The following DFFB variants were observed in gnomAD, a reference collection of about 807,000 sequenced individuals.
DFFB encodes DNA fragmentation factor 40 kDa subunit.
A neutral mutation model predicts 32.7 loss-of-function variants in DFFB; 29 were observed. The observed-to-expected ratio is 0.89, with a 90% CI of 0.66 to 1.21. DFFB has a LOEUF of 1.21. Among genes scored for constraint, DFFB ranks in the 50% most tolerant of loss-of-function variants. The pLI is 0.00. For missense variants in DFFB, 398 were observed against 440.6 expected (o/e 0.90, Z 0.87); for synonymous variants, 170 against 177.1 (o/e 0.96, Z 0.32).
At chr1:3,866,562 G>C (rs1644984553) in intron 3 of DFFB, among the ~76,000 whole-genome samples, 1 of 152,132 alleles carries the variant, frequency 6.6e-6, no homozygotes, top group Admixed American at 6.6e-5. Context: ...TAAAAATTGT[G>C]CTAAAGTACA....
At chr1:3,875,970 G>C (rs1645214275) in intron 6 of DFFB, among the ~76,000 whole-genome samples, 2 of 152,000 alleles carry the variant, frequency 1.3e-5, no homozygotes, top group Non-Finnish European at 2.9e-5. Context: ...GTAGAGATGG[G>C]GTTTTGCCAT....
rs373993995 is a variant in DFFB at position 3,869,599 on chromosome 1, C to T, written c.511-6C>T. 4.9e-5 allele frequency: 78 copies of T among 1,603,294 alleles called. No individual in the cohort carries two copies. Among genetic ancestry groups the T allele is most frequent in the Non-Finnish European group, 3.9e-5 (46 of 1,174,674 alleles). On this transcript the variant is annotated splice_region_variant and splice_polypyrimidine_tract_variant and intron_variant, in intron 4 of 6. Coordinates refer to ENST00000378209, the MANE Select transcript of DFFB (RefSeq NM_004402.4). ...CAGGCTCACCGACGTTCCTTGGTTC[C>T]TCCAGGTGAGCTCCTACCCCTCCAC...
At chr1:3,860,300 C>T in intron 2 of DFFB, 1 of 221,346 alleles carries the variant, frequency 4.5e-6, no homozygotes, top group Non-Finnish European at 1.0e-5. Context: ...AAACCTTGCT[C>T]ACTGTAGCCT....
Position 3,872,453 on chromosome 1 carries a change from A to G in DFFB, c.682-19A>G. ...GAGACTCACTTTCTGGCCTTCCCTC[A>G]TTGTCTTTTGGCCCCCAGGGTCCCT... On this transcript the variant is annotated intron_variant, in intron 5 of 6. Coordinates refer to ENST00000378209, the MANE Select transcript of DFFB (RefSeq NM_004402.4). The G allele has an allele frequency of 1.3e-6, 2 of 1,594,818 alleles. No homozygotes were observed. The highest frequency in any genetic ancestry group is 1.7e-4 in the Middle Eastern group (1 of 6,008).
intron 6 of DFFB, among the ~76,000 whole-genome samples, chr1:3,875,324 A>G (rs1645201393): frequency 6.6e-6 from 1 of 152,200 alleles, no homozygotes; most frequent in Admixed American, 6.5e-5. Context: ...CTCAGGCCCC[A>G]TCCAGACATA....
chr1:3,874,107 T>C (rs1478045908), intron 6 of DFFB, among the ~76,000 whole-genome samples: 3 of 151,562 alleles, frequency 2.0e-5, no homozygotes, highest in Non-Finnish European at 4.4e-5. Context: ...TGGCCCACGC[T>C]GTCATCTGCA....
intron 6 of DFFB, among the ~76,000 whole-genome samples, chr1:3,873,620 C>T (rs994795953): frequency 1.3e-5 from 2 of 152,066 alleles, no homozygotes; most frequent in South Asian, 2.1e-4. Context: ...GCTGGGATTA[C>T]AGGCACGTGG....
intron 6 of DFFB, among the ~76,000 whole-genome samples, chr1:3,881,347 G>A (rs746736259): frequency 2.0e-5 from 3 of 152,230 alleles, no homozygotes; most frequent in Non-Finnish European, 4.4e-5. Flanking sequence ...GGCTCAGTGG[G>A]TTTCCCTTCC....
At chr1:3,868,608 T>TACCATACCACACCAC (rs1557715984) in intron 4 of DFFB, among the ~76,000 whole-genome samples, 1 of 3,154 alleles carries the variant, frequency 3.2e-4, no homozygotes, top group African/African-American at 6.8e-4. Flanking sequence ...TACCACACCA[T>TACCATACCACACCAC]ACCAGACCAC....
At chr1:3,872,420 A>AT in intron 5 of DFFB, 52 bp from the exon 6 acceptor site, 1 of 1,442,920 alleles carries the variant, frequency 6.9e-7, no homozygotes, top group Non-Finnish European at 9.6e-7. Flanking sequence ...TCAAGAAAAA[A>AT]AAAAAAAGAG....
chr1:3,868,674 ACCAC>A (rs1557716260), intron 4 of DFFB, among the ~76,000 whole-genome samples: 15 of 7,510 alleles, frequency 2.0e-3, no homozygotes, highest in East Asian at 6.4e-3. Context: ...ACCACACCAC[ACCAC>A]GCCACACCAC....
chr1:3,866,073 A>G, intron 3 of DFFB, 73 bp downstream of exon 3: 1 of 1,316,684 alleles, frequency 7.6e-7, no homozygotes, highest in African/African-American at 1.5e-5. Flanking sequence ...TTGGATTCCA[A>G]AAAGCCCCCA....
chr1:3,857,833 T>A (rs1024319191), intron 1 of DFFB, 116 bp downstream of exon 1: 33 of 723,346 alleles, frequency 4.6e-5, no homozygotes, highest in Non-Finnish European at 5.4e-5. Flanking sequence ...GCGGGTAGTT[T>A]TCGTTCGCCT....
intron 6 of DFFB, among the ~76,000 whole-genome samples, chr1:3,875,622 A>C (rs931488270): frequency 2.8e-4 from 42 of 152,188 alleles, no homozygotes; most frequent in African/African-American, 1.0e-3. Context: ...TTTCCTGATG[A>C]CTAGGAAGGT....
Position 3,883,926 on chromosome 1 carries a change from T to TTGTTG in DFFB, c.*189_*190insGTGTT. The TTGTTG allele has an allele frequency of 6.8e-6, 4 of 591,282 alleles. No homozygotes were observed. Among genetic ancestry groups the TTGTTG allele is most frequent in the Non-Finnish European group, 1.2e-5 (4 of 336,416 alleles). The allele number at this position is 591,282 out of a possible 1,614,324, so 36.6% of individuals were successfully genotyped here. A position where few individuals can be genotyped will look rare whatever the true frequency, so the allele number is the denominator to read the frequency against. Reference sequence around the variant, plus strand: ...TTCTGAATTGTTGGGGTTTTTTTTGTTGTTTTGTTTTGTTTTGTAGATGGA... The same window carrying TTGTTG: ...TTCTGAATTGTTGGGGTTTTTTTTGTTGTTGTGTTTTGTTTTGTTTTGTAGATGGA... On this transcript the variant is annotated 3_prime_UTR_variant, in exon 7 of 7. Coordinates refer to ENST00000378209, the MANE Select transcript of DFFB (RefSeq NM_004402.4).
intron 6 of DFFB, among the ~76,000 whole-genome samples, chr1:3,872,841 C>T (rs1406163019): frequency 6.6e-6 from 1 of 152,252 alleles, no homozygotes; most frequent in Admixed American, 6.5e-5. Flanking sequence ...CCCCTCCAGT[C>T]CTCCCTGTGG....
intron 5 of DFFB, 78 bp downstream of exon 5, chr1:3,869,853 G>T (rs529376269): frequency 4.2e-6 from 6 of 1,443,254 alleles, no homozygotes; most frequent in Non-Finnish European, 5.6e-6. Flanking sequence ...GGCGGGTGGG[G>T]ACCTTCAGCC....
rs533791367 is a variant in DFFB, at chr1:3,867,219, A to G, written c.431-755A>G. On this transcript the variant is annotated intron_variant, in intron 3 of 6. Transcript: ENST00000378209. ...CCAATTTCCTTCTTTTTAAGGCCAA[A>G]TGACAGTCCACTGCGTGTACATACC... is the stretch of plus-strand genomic sequence containing the variant. Among the ~76,000 whole-genome samples the G allele has an allele frequency of 1.4e-4, 21 of 152,320 alleles. No individual in the cohort carries two copies. The East Asian group carries it at 3.9e-3, about 28-fold the overall frequency.
At chr1:3,860,755 C>T (rs1458519621) in intron 2 of DFFB, among the ~76,000 whole-genome samples, 1 of 152,196 alleles carries the variant, frequency 6.6e-6, no homozygotes, top group Non-Finnish European at 1.5e-5. Flanking sequence ...TCCCATCCAT[C>T]ACTCAAGGTT....
Sources: allele counts gnomAD v4.1 joint callset (sites outside exome capture counted in the v4.1 genomes callset), GRCh38; gene constraint gnomAD v4.1.1; transcripts MANE v1.5; gene names NCBI Gene and HGNC (gene_info 2026-07-23, HGNC 2026-07-21).